Variants in DENND1A observed in about 807,000 individuals in gnomAD.
DENND1A encodes the protein DENN domain-containing protein 1A.
Under a neutral mutation model 113.7 loss-of-function variants are expected in DENND1A, and 51 were observed. The ratio of observed to expected loss-of-function variants is 0.45; its 90% CI spans 0.36 to 0.57. The LOEUF (loss-of-function observed/expected upper bound fraction) is 0.57. Ranked by LOEUF, DENND1A falls within the 20% of genes least tolerant of loss-of-function variation. DENND1A has a pLI of 0.00. For missense variants in DENND1A, 1,258 were observed against 1,395.9 expected, an observed-to-expected ratio of 0.90 and a Z score of 1.57; for synonymous variants, 565 against 570.8, an observed-to-expected ratio of 0.99 and a Z score of 0.14.
intron 5 of DENND1A, among the ~76,000 whole-genome samples, chr9:123,707,431 G>A (rs1215497413): frequency 6.6e-6 from 1 of 151,654 alleles, no homozygotes; most frequent in Non-Finnish European, 1.5e-5. Flanking sequence ...CCCAAGGACT[G>A]AGCCCTGGAA....
At chr9:123,716,679 C>A (rs543961270) in intron 5 of DENND1A, among the ~76,000 whole-genome samples, 34 of 152,302 alleles carry the variant, frequency 2.2e-4, no homozygotes, top group Middle Eastern at 3.4e-3. Context: ...AAAGTACAAA[C>A]GAATGCAGTG....
chr9:123,451,439 G>A (rs2047711087), intron 17 of DENND1A, among the ~76,000 whole-genome samples: 1 of 152,186 alleles, frequency 6.6e-6, no homozygotes, highest in South Asian at 2.1e-4. Context: ...ATGAAGCACC[G>A]GGAACAGATG....
At chr9:123,684,847 G>A (rs2140273287) in intron 5 of DENND1A, among the ~76,000 whole-genome samples, 1 of 152,242 alleles carries the variant, frequency 6.6e-6, no homozygotes, top group African/African-American at 2.4e-5. Flanking sequence ...TCAGTATCTG[G>A]GGAGCTCACA....
intron 19 of DENND1A, among the ~76,000 whole-genome samples, chr9:123,419,511 G>C (rs1180430718): frequency 6.6e-6 from 1 of 152,252 alleles, no homozygotes; most frequent in Non-Finnish European, 1.5e-5. Flanking sequence ...TTAATGAGGA[G>C]AGTGTTCACC....
At chr9:123,574,639 G>T (rs1190063354) in intron 12 of DENND1A, among the ~76,000 whole-genome samples, 1 of 152,152 alleles carries the variant, frequency 6.6e-6, no homozygotes, top group East Asian at 1.9e-4. Flanking sequence ...GGTGTTAAAG[G>T]GAGAGAATGC....
At chr9:123,884,552 C>A (rs1848744872) in intron 1 of DENND1A, among the ~76,000 whole-genome samples, 1 of 152,110 alleles carries the variant, frequency 6.6e-6, no homozygotes, top group Non-Finnish European at 1.5e-5. Flanking sequence ...TTGTACCCTA[C>A]AATCCAGCCA....
intron 2 of DENND1A, among the ~76,000 whole-genome samples, chr9:123,811,967 T>C (rs1357567679): frequency 2.0e-5 from 3 of 152,180 alleles, no homozygotes; most frequent in East Asian, 1.9e-4. Flanking sequence ...GTTGTCATTA[T>C]GTGAATATCA....
chr9:123,562,557 T>C (rs751482683), intron 12 of DENND1A, among the ~76,000 whole-genome samples: 2 of 152,156 alleles, frequency 1.3e-5, no homozygotes, highest in Non-Finnish European at 2.9e-5. Flanking sequence ...AAAAATTATA[T>C]ATAAATATAT....
rs1181202548 is a variant in DENND1A at position 123,467,627 on chromosome 9, C to T, written c.994-9730G>A. Among the ~76,000 whole-genome samples, 9 of 152,152 alleles carry T rather than the reference C, an allele frequency of 5.9e-5. No individual in the cohort carries two copies. In the East Asian group the frequency reaches 1.7e-3, roughly 29 times the overall value. ...CCGAGATCGCGCCACTGCACTCCAG[C>T]GTGGGCAACAAGAGAGAAACTCCGT... On this transcript the variant is annotated intron_variant, in intron 13 of 23. Coordinates refer to ENST00000394215, the MANE Select transcript of DENND1A (RefSeq NM_001352964.2).
At chr9:123,687,889 T>C (rs1479866535) in intron 5 of DENND1A, among the ~76,000 whole-genome samples, 4 of 152,206 alleles carry the variant, frequency 2.6e-5, no homozygotes, top group African/African-American at 7.2e-5. Context: ...GGAAGCAAAA[T>C]TATTTGTACA....
intron 2 of DENND1A, among the ~76,000 whole-genome samples, chr9:123,868,169 T>C (rs1035878969): frequency 6.6e-6 from 1 of 152,216 alleles, no homozygotes. Flanking sequence ...CAATGATTGA[T>C]GTCATTGACA....
At chr9:123,424,902 C>T (rs2131907252) in intron 19 of DENND1A, among the ~76,000 whole-genome samples, 1 of 152,344 alleles carries the variant, frequency 6.6e-6, no homozygotes. Flanking sequence ...CCTTTTTACT[C>T]TCCATCTCTT....
chr9:123,804,260 A>G (rs1458649539), intron 2 of DENND1A, among the ~76,000 whole-genome samples: 1 of 152,148 alleles, frequency 6.6e-6, no homozygotes, highest in East Asian at 1.9e-4. Context: ...CTTGCCTTCT[A>G]CCATGATTGT....
At chr9:123,761,560 C>T (rs2071040281) in intron 4 of DENND1A, among the ~76,000 whole-genome samples, 1 of 152,202 alleles carries the variant, frequency 6.6e-6, no homozygotes, top group Non-Finnish European at 1.5e-5. Context: ...GACCAAGTGA[C>T]TGATGCTTGC....
At chr9:123,401,372 C>T (rs772068753) in intron 21 of DENND1A, 45 of 523,452 alleles carry the variant, frequency 8.6e-5, no homozygotes, top group Non-Finnish European at 1.1e-4. Flanking sequence ...TGGGAAGAGG[C>T]GTAGAAAAAC....
chr9:123,620,938 T>C (rs1368334788), intron 10 of DENND1A, among the ~76,000 whole-genome samples: 1 of 152,198 alleles, frequency 6.6e-6, no homozygotes, highest in Admixed American at 6.5e-5. Flanking sequence ...GAACCATCTA[T>C]GTCCACCTAT....
intron 2 of DENND1A, among the ~76,000 whole-genome samples, chr9:123,812,332 T>C (rs1266345329): frequency 6.6e-6 from 1 of 152,192 alleles, no homozygotes; most frequent in African/African-American, 2.4e-5. Flanking sequence ...ATAAAATTCT[T>C]CTATTCAGCT....
chr9:123,699,879 G>T (rs1380227826), intron 5 of DENND1A, among the ~76,000 whole-genome samples: 2 of 151,814 alleles, frequency 1.3e-5, no homozygotes, highest in Admixed American at 6.6e-5. Context: ...TGTATTTTCA[G>T]AAGAGACGGA....
At chr9:123,680,668 A>G (rs1253170885) in intron 5 of DENND1A, among the ~76,000 whole-genome samples, 2 of 152,330 alleles carry the variant, frequency 1.3e-5, no homozygotes, top group African/African-American at 4.8e-5. Flanking sequence ...AATCACTCCA[A>G]CTGGTGAGTT....
Sources: allele counts gnomAD v4.1 joint callset (sites outside exome capture counted in the v4.1 genomes callset), GRCh38; gene constraint gnomAD v4.1.1; transcripts MANE v1.5; gene names NCBI Gene and HGNC (gene_info 2026-07-23, HGNC 2026-07-21).